Variants in RARB observed in about 807,000 individuals in gnomAD.
RARB encodes the protein HBV-activated protein.
In RARB, 17 loss-of-function variants were observed where a neutral mutation model predicts 51.9. That is an observed-to-expected ratio of 0.33 (90% CI 0.22 to 0.49). The LOEUF (loss-of-function observed/expected upper bound fraction) is 0.49. RARB is among the 20% of genes least tolerant of loss of function. The probability of loss-of-function intolerance (pLI) is 0.99; values close to 1 mark genes in which losing one functional copy is unlikely to be tolerated. For synonymous variants in RARB, 215 were observed against 195.4 expected (o/e 1.10, Z -0.84); for missense variants, 369 against 550.8 (o/e 0.67, Z 3.30).
At chr3:24,914,627 C>T (rs1057281488) in intron 2 of RARB, among the ~76,000 whole-genome samples, 1 of 152,150 alleles carries the variant, frequency 6.6e-6, no homozygotes, top group African/African-American at 2.4e-5. Context: ...GTCCTGTATA[C>T]TTTAAATCAT....
intron 5 of RARB, among the ~76,000 whole-genome samples, chr3:25,371,532 G>T (rs1419005445): frequency 6.6e-6 from 1 of 152,208 alleles, no homozygotes; most frequent in Non-Finnish European, 1.5e-5. Flanking sequence ...AATTAATGAA[G>T]AAATAAATGA....
intron 5 of RARB, among the ~76,000 whole-genome samples, chr3:25,201,545 C>T (rs1701389519): frequency 6.6e-6 from 1 of 152,160 alleles, no homozygotes; most frequent in African/African-American, 2.4e-5. Context: ...TTTGTCCATT[C>T]AGTATGATAT....
At chr3:24,849,165 C>T (rs1182747318) in intron 1 of RARB, among the ~76,000 whole-genome samples, 2 of 151,962 alleles carry the variant, frequency 1.3e-5, no homozygotes, top group Non-Finnish European at 2.9e-5. Context: ...ATAAATTAAA[C>T]ACAGTAAGAG....
chr3:25,061,168 A>G (rs1295543577), intron 3 of RARB, among the ~76,000 whole-genome samples: 4 of 151,920 alleles, frequency 2.6e-5, no homozygotes, highest in Non-Finnish European at 5.9e-5. Flanking sequence ...AGTGATTTGA[A>G]AAGATAGAAT....
chr3:24,888,121 A>G (rs1703298703), intron 2 of RARB, among the ~76,000 whole-genome samples: 1 of 152,230 alleles, frequency 6.6e-6, no homozygotes, highest in South Asian at 2.1e-4. Context: ...CTTGCTACAC[A>G]GAAGTACTGA....
At chr3:25,383,882 T>A (rs6784498) in intron 5 of RARB, among the ~76,000 whole-genome samples, 81,165 of 150,946 alleles carry the variant, frequency 0.54, 22,257 homozygotes, top group East Asian at 0.74. Context: ...GTGAGCTGAG[T>A]TCACGCCATT....
intron 3 of RARB, among the ~76,000 whole-genome samples, chr3:25,101,787 C>A (rs1486950444): frequency 6.6e-6 from 1 of 151,642 alleles, no homozygotes; most frequent in Non-Finnish European, 1.5e-5. Context: ...CTTTGAGTAC[C>A]AACATACATT....
At chr3:25,216,334 T>TA (rs1194846795) in intron 5 of RARB, among the ~76,000 whole-genome samples, 1 of 152,160 alleles carries the variant, frequency 6.6e-6, no homozygotes, top group Admixed American at 6.6e-5. Context: ...TTGCCTGCTT[T>TA]AAAAAAATAT....
chr3:25,283,040 C>G (rs1030711760), intron 5 of RARB, among the ~76,000 whole-genome samples: 1 of 152,176 alleles, frequency 6.6e-6, no homozygotes, highest in Non-Finnish European at 1.5e-5. Flanking sequence ...GGATGAGCAA[C>G]TGGCCACGCA....
chr3:24,865,691 C>G (rs372440577), intron 2 of RARB, among the ~76,000 whole-genome samples: 2 of 152,216 alleles, frequency 1.3e-5, no homozygotes, highest in South Asian at 4.1e-4. Context: ...TCTTGTACAA[C>G]TATAAAACCA....
intron 5 of RARB, among the ~76,000 whole-genome samples, chr3:25,359,158 A>G (rs1705844413): frequency 6.6e-6 from 1 of 151,966 alleles, no homozygotes; most frequent in South Asian, 2.1e-4. Flanking sequence ...CAATTTCAGA[A>G]CTTGTTTTTG....
At chr3:25,208,553 G>A (rs946277314) in intron 5 of RARB, among the ~76,000 whole-genome samples, 11 of 151,854 alleles carry the variant, frequency 7.2e-5, no homozygotes, top group African/African-American at 2.7e-4. Context: ...CTAAATATCA[G>A]TGCCATTCTG....
chr3:25,369,476 A>C (rs933469905), intron 5 of RARB, among the ~76,000 whole-genome samples: 1 of 152,228 alleles, frequency 6.6e-6, no homozygotes, highest in Non-Finnish European at 1.5e-5. Flanking sequence ...GAAAAAACTA[A>C]AAAGTGGGTA....
intron 1 of RARB, among the ~76,000 whole-genome samples, chr3:25,438,672 C>G (rs1371588823): frequency 1.3e-5 from 2 of 152,178 alleles, no homozygotes; most frequent in Admixed American, 6.5e-5. Flanking sequence ...TTTCTCTAGG[C>G]TCCATGTGCT....
At chr3:25,074,208 A>G (rs62228543) in intron 3 of RARB, among the ~76,000 whole-genome samples, 1 of 152,196 alleles carries the variant, frequency 6.6e-6, no homozygotes, top group Non-Finnish European at 1.5e-5. Context: ...TTTCCTCCCC[A>G]TAAGGGTTTT....
At chr3:24,928,258 G>A (rs1454769481) in intron 2 of RARB, among the ~76,000 whole-genome samples, 2 of 151,746 alleles carry the variant, frequency 1.3e-5, no homozygotes, top group African/African-American at 4.8e-5. Flanking sequence ...AAGTATCTCT[G>A]GTCTTGGTGG....
intron 5 of RARB, among the ~76,000 whole-genome samples, chr3:25,386,268 G>C (rs948618769): frequency 5.3e-5 from 8 of 152,056 alleles, no homozygotes; most frequent in African/African-American, 1.4e-4. Flanking sequence ...GAAGGGTGGG[G>C]AAAGGGAACA....
At chr3:25,423,542 A>G (rs1707914699), upstream of RARB, among the ~76,000 whole-genome samples, 1 of 152,252 alleles carries the variant, frequency 6.6e-6, no homozygotes, top group Admixed American at 6.5e-5. Context: ...AAATATACAG[A>G]TCTATGCCAA....
chr3:25,374,696 G>A (rs1290483202), intron 5 of RARB, among the ~76,000 whole-genome samples: 1 of 152,120 alleles, frequency 6.6e-6, no homozygotes, highest in African/African-American at 2.4e-5. Flanking sequence ...AGAATGGAGA[G>A]TAGATCATAG....
Sources: allele counts gnomAD v4.1 joint callset (sites outside exome capture counted in the v4.1 genomes callset), GRCh38; gene constraint gnomAD v4.1.1; transcripts MANE v1.5; gene names NCBI Gene and HGNC (gene_info 2026-07-23, HGNC 2026-07-21).